The following HYDIN variants were observed in gnomAD, a reference collection of about 807,000 sequenced individuals.
The protein encoded by HYDIN is axonemal central pair apparatus protein HYDIN.
A neutral mutation model predicts 403.9 loss-of-function variants in HYDIN; 132 were observed. That is an observed-to-expected ratio of 0.33 (90% CI 0.28 to 0.38). The LOEUF (loss-of-function observed/expected upper bound fraction) is 0.38. Ranked by LOEUF, HYDIN falls within the 10% of genes least tolerant of loss-of-function variation. The pLI is 1.00. For synonymous variants in HYDIN, 1,202 were observed against 1,891.7 expected (o/e 0.64, Z 9.46); for missense variants, 2,827 against 5,009.5 (o/e 0.56, Z 13.15).
intron 18 of HYDIN, among the ~76,000 whole-genome samples, chr16:71,054,095 A>T (rs1219325194): frequency 3.3e-5 from 5 of 152,274 alleles, no homozygotes; most frequent in African/African-American, 1.2e-4. Context: ...TGTGTTGAGA[A>T]CACAGCACGT....
At chr16:71,188,383 A>G (rs1250142439) in intron 1 of HYDIN, among the ~76,000 whole-genome samples, 1 of 152,198 alleles carries the variant, frequency 6.6e-6, no homozygotes, top group African/African-American at 2.4e-5. Flanking sequence ...TGGCATCACC[A>G]ATCTTGACAT....
At chr16:71,223,305 C>T in intron 1 of HYDIN, among the ~76,000 whole-genome samples, 1 of 152,122 alleles carries the variant, frequency 6.6e-6, no homozygotes, top group East Asian at 1.9e-4. Context: ...CATTTCTTAC[C>T]TTATAAAAAA....
chr16:70,884,639 G>T (rs2041016603), intron 58 of HYDIN, among the ~76,000 whole-genome samples: 1 of 151,718 alleles, frequency 6.6e-6, no homozygotes, highest in Admixed American at 6.6e-5. Context: ...GAAAGAACAG[G>T]TGTGAAGCAT....
chr16:71,047,263 A>G (rs964780178), intron 18 of HYDIN, among the ~76,000 whole-genome samples: 3 of 152,036 alleles, frequency 2.0e-5, no homozygotes, highest in African/African-American at 4.8e-5. Flanking sequence ...ATCATATTCA[A>G]TCAGTAGAGC....
chr16:71,156,102 T>C (rs1230971465), intron 6 of HYDIN, among the ~76,000 whole-genome samples: 1 of 149,896 alleles, frequency 6.7e-6, no homozygotes, highest in Non-Finnish European at 1.5e-5. Context: ...AGCAAAAGAA[T>C]AGTTTTAAAA....
At chr16:71,001,809 T>C (rs1010169053) in intron 23 of HYDIN, among the ~76,000 whole-genome samples, 45 of 151,598 alleles carry the variant, frequency 3.0e-4, no homozygotes, top group African/African-American at 1.1e-3. Flanking sequence ...CTGGGAAAGA[T>C]GATGAAAGGC....
At chr16:70,808,285 A>G (rs1597002693) in intron 85 of HYDIN, among the ~76,000 whole-genome samples, 1 of 152,204 alleles carries the variant, frequency 6.6e-6, no homozygotes, top group East Asian at 1.9e-4. Context: ...GATGTTAATA[A>G]TGTGTACTGA....
At chr16:71,207,948 G>T (rs150794510) in intron 1 of HYDIN, among the ~76,000 whole-genome samples, 53 of 152,130 alleles carry the variant, frequency 3.5e-4, no homozygotes, top group African/African-American at 1.3e-3. Flanking sequence ...CTATGAATAG[G>T]CTTAGTTTCA....
chr16:71,098,452 T>C (rs1486903232), intron 10 of HYDIN, among the ~76,000 whole-genome samples: 1 of 151,838 alleles, frequency 6.6e-6, no homozygotes, highest in Non-Finnish European at 1.5e-5. Flanking sequence ...TCCGCCCGCC[T>C]CAGCCTCCCA....
At chr16:70,945,130 C>T (rs1356433246) in intron 41 of HYDIN, among the ~76,000 whole-genome samples, 6 of 152,152 alleles carry the variant, frequency 3.9e-5, no homozygotes, top group Non-Finnish European at 7.4e-5. Flanking sequence ...TCACTGTGGT[C>T]AGGGCAGGAG....
intron 18 of HYDIN, among the ~76,000 whole-genome samples, chr16:71,059,570 C>T (rs1409139260): frequency 6.6e-6 from 1 of 151,566 alleles, no homozygotes; most frequent in Non-Finnish European, 1.5e-5. Flanking sequence ...CAAATTAACA[C>T]AGGAACAGAA....
At chr16:71,051,217 C>T (rs981774267) in intron 18 of HYDIN, among the ~76,000 whole-genome samples, 7 of 152,116 alleles carry the variant, frequency 4.6e-5, no homozygotes, top group Non-Finnish European at 8.8e-5. Flanking sequence ...GGAAAAAAAT[C>T]ATATAATCAT....
chr16:71,186,665 A>C, intron 2 of HYDIN, 96 bp downstream of exon 2: 1 of 940,846 alleles, frequency 1.1e-6, no homozygotes, highest in Non-Finnish European at 1.6e-6. Flanking sequence ...TCAGTCAGTA[A>C]TTCTGTTTGG....
intron 29 of HYDIN, among the ~76,000 whole-genome samples, chr16:70,979,412 C>T (rs2078978493): frequency 6.6e-6 from 1 of 152,038 alleles, no homozygotes; most frequent in Admixed American, 6.5e-5. Context: ...CAGTGCTGGA[C>T]AAACCCAGAC....
chr16:71,031,355 A>T, intron 19 of HYDIN: 1 of 879,802 alleles, frequency 1.1e-6, no homozygotes, highest in Non-Finnish European at 1.5e-6. Context: ...TTAACAGTGT[A>T]TTGGAATCAA....
intron 73 of HYDIN, 89 bp from the exon 74 acceptor site, chr16:70,850,744 C>T (rs1774532): frequency 1.8e-5 from 24 of 1,320,198 alleles, no homozygotes; most frequent in African/African-American, 3.0e-5. Context: ...AGCAGATTCA[C>T]TACGAGGAAA....
chr16:70,838,811 A>G (rs1406540022), intron 76 of HYDIN, among the ~76,000 whole-genome samples: 1 of 147,104 alleles, frequency 6.8e-6, no homozygotes, highest in Non-Finnish European at 1.5e-5. Flanking sequence ...CAGAGGAAAT[A>G]TTCCATAAAG....
chr16:71,050,742 T>C (rs998661630), intron 18 of HYDIN, among the ~76,000 whole-genome samples: 6 of 152,126 alleles, frequency 3.9e-5, no homozygotes, highest in Admixed American at 2.6e-4. Context: ...ATATTTGGAA[T>C]AATTTTTTAC....
chr16:70,829,852 A>G (rs1384067983), intron 80 of HYDIN, 22 bp from the exon 81 acceptor site: 1 of 1,608,078 alleles, frequency 6.2e-7, no homozygotes, highest in Non-Finnish European at 8.5e-7. Flanking sequence ...CAGGCACCTC[A>G]TCTTCCATGG....
Sources: gnomAD v4.1 joint callset for allele counts (sites outside exome capture counted in the v4.1 genomes callset) on GRCh38, gnomAD v4.1.1 for gene constraint, MANE v1.5 for transcripts, NCBI Gene and HGNC (gene_info 2026-07-23, HGNC 2026-07-21) for gene names.